The following SLC27A4 variants were observed in gnomAD, a reference collection of about 807,000 sequenced individuals.
SLC27A4 encodes solute carrier family 27 member 4, also known as long-chain fatty acid transport protein 4.
SLC27A4 carries 33 observed loss-of-function variants against 64.4 expected under a neutral mutation model. That is an observed-to-expected ratio of 0.51 (90% CI 0.39 to 0.68). The LOEUF (loss-of-function observed/expected upper bound fraction) is 0.68, where lower values mean the gene tolerates loss of function less well. SLC27A4 is among the 30% of genes least tolerant of loss of function. The pLI is 0.00. For synonymous variants in SLC27A4, 377 were observed against 370.0 expected, an observed-to-expected ratio of 1.02 and a Z score of -0.22; for missense variants, 824 against 883.5, an observed-to-expected ratio of 0.93 and a Z score of 0.85.
chr9:128,352,477 G>A (rs767545364), intron 6 of SLC27A4, among the ~76,000 whole-genome samples, 161 bp from the exon 7 acceptor site: 4 of 152,168 alleles, frequency 2.6e-5, no homozygotes, highest in Non-Finnish European at 4.4e-5. Flanking sequence ...GATGGAAGCC[G>A]GGGAGGCTTC....
rs753724861 is a variant in SLC27A4 at position 128,343,243 on chromosome 9, C to A, written c.111C>A (p.Gly37=). ...FSLLFLYLGS[G]GWRFIRVFIK... is the part of the protein sequence containing the mutation. ...TGTTGTTCCTCTACTTGGGATCTGG[C>A]GGCTGGCGCTTCATCCGGGTCTTCA... is the stretch of plus-strand genomic sequence containing the variant. The change falls in exon 2 of 13, where the codon GGC becomes GGA. Residue 37 remains glycine (G), a synonymous_variant. Coordinates refer to ENST00000300456, the MANE Select transcript of SLC27A4 (RefSeq NM_005094.4). The A allele has an allele frequency of 6.2e-7, 1 of 1,614,130 alleles. No homozygotes were observed. Among genetic ancestry groups the A allele is most frequent in the South Asian group, 1.1e-5 (1 of 91,082 alleles).
intron 1 of SLC27A4, among the ~76,000 whole-genome samples, chr9:128,341,498 G>C (rs1304255213): frequency 6.6e-6 from 1 of 152,198 alleles, no homozygotes; most frequent in African/African-American, 2.4e-5. Context: ...GGGTGGTGGT[G>C]TCTTCAAGGT....
chr9:128,355,174 C>T lies in SLC27A4; in HGVS notation c.1446C>T (p.Asp482=), dbSNP rs1213865424. 6.2e-7 allele frequency: 1 copy of T among 1,613,652 alleles called. No individual in the cohort carries two copies. Among genetic ancestry groups the T allele is most frequent in the South Asian group, 1.1e-5 (1 of 91,076 alleles). Residue 482 remains aspartate (D), a synonymous_variant, in exon 10 of 13, where the codon GAC becomes GAT. Coordinates refer to ENST00000300456, the MANE Select transcript of SLC27A4 (RefSeq NM_005094.4). ...CCAAGGATGTCTTCAAGAAGGGGGA[C>T]CAGGCCTACCTTACTGGTGGGTCCC... ...KIAKDVFKKG[D]QAYLTGDVLV...
chr9:128,360,201 C>A, intron 12 of SLC27A4, 133 bp from the exon 13 acceptor site: 2 of 1,018,148 alleles, frequency 2.0e-6, no homozygotes, highest in Non-Finnish European at 3.1e-6. Flanking sequence ...CTGTAAAGGG[C>A]TGTGCCTCCT....
At chr9:128,349,109 G>A (rs1157990342) in intron 4 of SLC27A4, among the ~76,000 whole-genome samples, 1 of 152,140 alleles carries the variant, frequency 6.6e-6, no homozygotes, top group South Asian at 2.1e-4. Context: ...TTCAGTGCAG[G>A]ACACTTCAGG....
At position 128,360,387 on chromosome 9, in the gene SLC27A4, A is replaced by G; in HGVS notation, c.1828A>G (p.Ile610Val). ...ELRKEGFDPA[I>V]VKDPLFYLDA... Reference sequence around the variant, plus strand: ...ACGGAAGGAGGGCTTTGACCCGGCTATTGTGAAAGACCCGCTGTTCTATCT... The same window carrying G: ...ACGGAAGGAGGGCTTTGACCCGGCTGTTGTGAAAGACCCGCTGTTCTATCT... Residue 610 changes from isoleucine (I) to valine (V), a missense_variant, in exon 13 of 13, where the codon ATT becomes GTT. By Grantham distance (29) the Ile-to-Val change is conservative. Coordinates refer to ENST00000300456, the MANE Select transcript of SLC27A4 (RefSeq NM_005094.4). 1.9e-6 allele frequency: 3 copies of G among 1,614,090 alleles called. No individual in the cohort carries two copies. The highest frequency in any genetic ancestry group is 8.5e-7 in the Non-Finnish European group (1 of 1,180,006).
intron 1 of SLC27A4, chr9:128,342,410 T>A (rs1408128155): frequency 6.2e-7 from 1 of 1,605,710 alleles, no homozygotes; most frequent in Non-Finnish European, 8.5e-7. Context: ...CCACAAGTAT[T>A]GCCTTCTTAT....
At chr9:128,347,261 G>C (rs1469922020) in intron 3 of SLC27A4, among the ~76,000 whole-genome samples, 3 of 152,158 alleles carry the variant, frequency 2.0e-5, no homozygotes, top group African/African-American at 7.2e-5. Context: ...TAGGGATCTT[G>C]GTTTTATGGA....
chr9:128,348,649 C>T lies in SLC27A4; in HGVS notation c.661C>T (p.Leu221=). The T allele has an allele frequency of 6.2e-7, 1 of 1,614,126 alleles. No homozygotes were observed. The highest frequency in any genetic ancestry group is 8.5e-7 in the Non-Finnish European group (1 of 1,180,048). The change falls in exon 4 of 13, where the codon CTG becomes TTG. Residue 221 remains leucine, a synonymous_variant. Transcript: ENST00000300456. ...VPPSTEHLDP[L]LKDAPKHLPS... ...TCCAAGCACAGAACACCTGGACCCT[C>T]TGCTGAAAGATGCTCCCAAGCACCT...
Position 128,360,338 on chromosome 9 carries a change from C to T in SLC27A4, c.1779C>T (p.Thr593=). The T allele has an allele frequency of 8.7e-6, 14 of 1,614,126 alleles. No individual in the cohort carries two copies. Among genetic ancestry groups the T allele is most frequent in the Non-Finnish European group, 1.1e-5 (13 of 1,180,024 alleles). The change falls in exon 13 of 13, where the codon ACC becomes ACT. Residue 593 remains threonine (T), a synonymous_variant. Coordinates refer to ENST00000300456, the MANE Select transcript of SLC27A4 (RefSeq NM_005094.4). ...TCTTCTTCCCTGCTCTCCCAGGAAC[C>T]TACAAGTTCCAGAAGACAGAGCTAC... The part of the protein sequence containing the change: ...RLLPELHKTG[T]YKFQKTELRK...
intron 6 of SLC27A4, among the ~76,000 whole-genome samples, chr9:128,352,238 C>T (rs912659088): frequency 5.3e-5 from 8 of 151,888 alleles, no homozygotes; most frequent in African/African-American, 1.9e-4. Context: ...AAAGGATGAG[C>T]ACACCAGCCT....
rs1236238660 is a variant in SLC27A4, at chr9:128,345,761, A to G, written c.556+212A>G. ...TTTCCTCATCCGTCGTTCCTACCTC[A>G]TACTGTTTTCAAAAAGGTACTTCAG... is the stretch of plus-strand genomic sequence containing the variant. On this transcript the variant is annotated intron_variant, in intron 3 of 12. Transcript: ENST00000300456. This position sits in a 1 kb window ranked among gnomAD's most constrained non-coding sequence, Gnocchi z 4.1. Among the ~76,000 whole-genome samples the G allele has an allele frequency of 6.6e-6, 1 of 152,162 alleles. No homozygotes were observed. The highest frequency in any genetic ancestry group is 2.4e-5 in the African/African-American group (1 of 41,444).
Position 128,355,647 on chromosome 9 carries a change from C to T in SLC27A4, c.1628-3C>T. 1 of 1,610,016 alleles carries T rather than the reference C, an allele frequency of 6.2e-7. No individual in the cohort carries two copies. Among genetic ancestry groups the T allele is most frequent in the Non-Finnish European group, 8.5e-7 (1 of 1,180,014 alleles). On this transcript the variant is annotated splice_region_variant and splice_polypyrimidine_tract_variant and intron_variant, in intron 11 of 12. Coordinates refer to ENST00000300456, the MANE Select transcript of SLC27A4 (RefSeq NM_005094.4). ...TACTCAGTGTCTACCCTGCCACCCC[C>T]AGGAACCGAGGGCCGGGCCGGAATG... is the stretch of plus-strand genomic sequence containing the variant.
intron 6 of SLC27A4, among the ~76,000 whole-genome samples, chr9:128,351,094 G>GA (rs879510798): frequency 7.4e-4 from 102 of 137,988 alleles, no homozygotes; most frequent in African/African-American, 1.4e-3. Flanking sequence ...CTCTGTCTCG[G>GA]AAAAAAAAAA....
Position 128,352,654 on chromosome 9 carries a change from C to A in SLC27A4, c.894C>A (p.Ile298=), listed in dbSNP as rs140588587. Reference sequence around the variant, plus strand: ...TGCCTCCAGGAAACATCGTGGGAATCGGCCAGTGCCTGCTGCATGGCATGA... The same window carrying A: ...TGCCTCCAGGAAACATCGTGGGAATAGGCCAGTGCCTGCTGCATGGCATGA... ...LYHSAGNIVG[I]GQCLLHGMTV... The change falls in exon 7 of 13, where the codon ATC becomes ATA. Residue 298 remains isoleucine, a synonymous_variant. Transcript: ENST00000300456. 1.2e-6 allele frequency: 2 copies of A among 1,613,928 alleles called. No individual in the cohort carries two copies. The highest frequency in any genetic ancestry group is 3.3e-5 in the Admixed American group (2 of 60,016).
At position 128,345,456 on chromosome 9, in the gene SLC27A4, C is replaced by G; in HGVS notation, c.463C>G (p.Leu155Val). The change falls in exon 3 of 13, where the codon CTC becomes GTC. Residue 155 changes from leucine to valine, a missense_variant. Coordinates refer to ENST00000300456, the MANE Select transcript of SLC27A4 (RefSeq NM_005094.4). This position sits in a 1 kb window ranked among gnomAD's most constrained non-coding sequence, Gnocchi z 4.1. ...GGCCAAGCTCGGTGTGGAGGCAGCC[C>G]TCATCAACACCAACCTGCGGCGGGA... ...GMAKLGVEAA[L>V]INTNLRRDAL... 2 of 1,613,464 alleles carry G rather than the reference C, an allele frequency of 1.2e-6. No individual in the cohort carries two copies. The highest frequency in any genetic ancestry group is 1.7e-6 in the Non-Finnish European group (2 of 1,180,012).
At chr9:128,342,137 C>G in intron 1 of SLC27A4, 1 of 955,322 alleles carries the variant, frequency 1.0e-6, no homozygotes, top group Non-Finnish European at 1.7e-6. Context: ...AGAAAAGCCT[C>G]TTAGAACACG....
rs149240794 is a variant in SLC27A4 at position 128,345,372 on chromosome 9, G to A, written c.379G>A (p.Asp127Asn). Reference protein sequence around the residue: ...FLQARGLASGDVAAIFMENRN... With the variant: ...FLQARGLASGNVAAIFMENRN... ...GCAGGCCCGGGGCCTGGCCTCGGGCGATGTGGCTGCCATCTTCATGGAGAA... is the reference window on the plus strand; with the variant it reads ...GCAGGCCCGGGGCCTGGCCTCGGGCAATGTGGCTGCCATCTTCATGGAGAA... Residue 127 changes from aspartate to asparagine, a missense_variant, in exon 3 of 13, where the codon GAT becomes AAT. Asp to Asn is a conservative substitution (Grantham distance 23). Transcript: ENST00000300456. This position sits in a 1 kb window ranked among gnomAD's most constrained non-coding sequence, Gnocchi z 4.1. The A allele has an allele frequency of 7.4e-6, 12 of 1,613,610 alleles. No homozygotes were observed. The highest frequency in any genetic ancestry group is 4.4e-5 in the South Asian group (4 of 91,090).
intron 1 of SLC27A4, 113 bp downstream of exon 1, chr9:128,340,951 C>T (rs994307836): frequency 4.2e-6 from 2 of 480,572 alleles, no homozygotes; most frequent in Non-Finnish European, 7.6e-6. Context: ...CGCTATTTCC[C>T]CGACAGACGC....
Sources: gnomAD v4.1 joint callset for allele counts (sites outside exome capture counted in the v4.1 genomes callset) on GRCh38, gnomAD v4.1.1 for gene constraint, Gnocchi (gnomAD v3.1) non-coding constraint, MANE v1.5 for transcripts, NCBI Gene and HGNC (gene_info 2026-07-23, HGNC 2026-07-21) for gene names.